Variants in ASB15 observed in about 807,000 individuals in gnomAD.
ASB15 encodes ankyrin repeat and SOCS box protein 15.
A neutral mutation model predicts 58.0 loss-of-function variants in ASB15; 54 were observed. The observed-to-expected ratio is 0.93, with a 90% CI of 0.75 to 1.17. ASB15 has a LOEUF of 1.17. ASB15 is among the 50% of genes most tolerant of loss of function. The probability of loss-of-function intolerance (pLI) is 0.00; values close to 1 mark genes in which losing one functional copy is unlikely to be tolerated. For synonymous variants in ASB15, 249 were observed against 262.4 expected (o/e 0.95, Z 0.50); for missense variants, 680 against 707.4 (o/e 0.96, Z 0.44).
intron 11 of ASB15, among the ~76,000 whole-genome samples, chr7:123,630,421 T>C (rs1034573305): frequency 1.3e-5 from 2 of 152,230 alleles, no homozygotes; most frequent in African/African-American, 4.8e-5. Flanking sequence ...AAGCTCCATG[T>C]GGGTAGAGAT....
rs1168579175 is a variant in ASB15, at chr7:123,637,891, A to AAAAAAAAAAAAAAAAAAAC, written c.*919_*920insAAAAAAAAACAAAAAAAAA. 6.7e-6 allele frequency: 1 copy of AAAAAAAAAAAAAAAAAAAC among 149,324 alleles called. No homozygotes were observed. Among genetic ancestry groups the AAAAAAAAAAAAAAAAAAAC allele is most frequent in the African/African-American group, 2.5e-5 (1 of 40,758 alleles). 9.2% of individuals were successfully genotyped at this position (149,324 alleles called of 1,614,324 possible). ...CCCCAGATGAACTAAAAAAAAAAAA[A>AAAAAAAAAAAAAAAAAAAC]AAAAAAAAACCTCTTTCCCGAGCTC... On this transcript the variant is annotated 3_prime_UTR_variant, in exon 12 of 12. Transcript: ENST00000451215.
chr7:123,630,605 ACAGGC>A (rs1802069098), intron 11 of ASB15, among the ~76,000 whole-genome samples: 1 of 152,192 alleles, frequency 6.6e-6, no homozygotes. Flanking sequence ...GTATTTGTAG[ACAGGC>A]CATTTTGTCT....
intron 7 of ASB15, among the ~76,000 whole-genome samples, chr7:123,622,353 TTA>T (rs1236101162): frequency 1.3e-5 from 2 of 152,094 alleles, no homozygotes; most frequent in Non-Finnish European, 1.5e-5. Context: ...ACTTAATCAT[TTA>T]TGTTACACCA....
intron 11 of ASB15, among the ~76,000 whole-genome samples, chr7:123,634,522 G>C (rs1037192873): frequency 6.6e-6 from 1 of 152,026 alleles, no homozygotes; most frequent in Non-Finnish European, 1.5e-5. Flanking sequence ...ACGTGTGCAT[G>C]TATCTTTACA....
chr7:123,576,159 C>T (rs1437120442), intron 1 of ASB15, among the ~76,000 whole-genome samples: 1 of 149,582 alleles, frequency 6.7e-6, no homozygotes, highest in Non-Finnish European at 1.5e-5. Flanking sequence ...TTATTTTCAT[C>T]TTCTATATTT....
At chr7:123,587,330 T>G (rs189032210) in intron 1 of ASB15, among the ~76,000 whole-genome samples, 1 of 151,718 alleles carries the variant, frequency 6.6e-6, no homozygotes, top group Non-Finnish European at 1.5e-5. Context: ...TTTATTAAAA[T>G]TTATTTTTCT....
At chr7:123,598,128 G>C (rs1283434936), upstream of ASB15, among the ~76,000 whole-genome samples, 1 of 152,072 alleles carries the variant, frequency 6.6e-6, no homozygotes, top group African/African-American at 2.4e-5. Context: ...ATGTGTGTCT[G>C]TATATATAGA....
Position 123,624,230 on chromosome 7 carries a change from CCAA to C in ASB15, c.452-332_452-330del, listed in dbSNP as rs986889470. 9.2e-5 allele frequency among the ~76,000 whole-genome samples: 14 copies of C among 152,094 alleles called. 1 individual carries two copies. The highest frequency in any genetic ancestry group is 7.7e-4 in the East Asian group (4 of 5,166). On this transcript the variant is annotated intron_variant, in intron 7 of 11. Coordinates refer to ENST00000451215, the MANE Select transcript of ASB15 (RefSeq NM_001290258.2). ...ACATACATTATTTAATTTGTACAAC[CCAA>C]CAACAAGTGTTATTTCCATTTTGTT...
At chr7:123,614,239 G>GAAA (rs553174740) in intron 3 of ASB15, 370 of 301,942 alleles carry the variant, frequency 1.2e-3, no homozygotes, top group Non-Finnish European at 1.7e-3. Flanking sequence ...AGTCATTACT[G>GAAA]AAAAAAAAAA....
chr7:123,602,056 C>T (rs1276151744), intron 1 of ASB15, 142 bp downstream of exon 1: 22 of 152,148 alleles, frequency 1.4e-4, no homozygotes, highest in Admixed American at 1.4e-3. Flanking sequence ...TACGGGCTTA[C>T]CTGTTTAGAG....
chr7:123,604,752 G>A (rs1800057496), intron 2 of ASB15, among the ~76,000 whole-genome samples: 1 of 152,082 alleles, frequency 6.6e-6, no homozygotes, highest in Non-Finnish European at 1.5e-5. Flanking sequence ...GGTGATTCTA[G>A]GGAAAAGGAG....
chr7:123,598,158 G>A (rs1042775916), upstream of ASB15, among the ~76,000 whole-genome samples: 1 of 151,882 alleles, frequency 6.6e-6, no homozygotes, highest in East Asian at 1.9e-4. Flanking sequence ...CAAATGCAAT[G>A]GTTTCCCTCA....
intron 1 of ASB15, among the ~76,000 whole-genome samples, chr7:123,572,131 CTTTTTTTTTT>C (rs61198371): frequency 0.013 from 610 of 48,058 alleles, 8 homozygotes; most frequent in African/African-American, 0.051. Flanking sequence ...TGTAGAATTT[CTTTTTTTTTT>C]TTTTTTTTTT....
intron 1 of ASB15, among the ~76,000 whole-genome samples, chr7:123,584,433 C>G (rs1424987246): frequency 6.6e-6 from 1 of 151,788 alleles, no homozygotes. Flanking sequence ...CCAGGTGATT[C>G]CAATGCAAGT....
In ASB15 at chr7:123,626,543, T is replaced by C. The variant is rs989585651; in HGVS notation, c.698-567T>C. ...AATTAAAAAGTCTAATGAGCCTTTT[T>C]CAGAAGAATTTGCCTGTCATGAAAA... On this transcript the variant is annotated intron_variant, in intron 8 of 11. Coordinates refer to ENST00000451215, the MANE Select transcript of ASB15 (RefSeq NM_001290258.2). 5.3e-5 allele frequency among the ~76,000 whole-genome samples: 8 copies of C among 152,196 alleles called. No individual in the cohort carries two copies. The East Asian group carries it at 9.6e-4, about 18-fold the overall frequency.
chr7:123,591,852 T>C (rs1311861853), intron 1 of ASB15, among the ~76,000 whole-genome samples: 1 of 152,212 alleles, frequency 6.6e-6, no homozygotes, highest in African/African-American at 2.4e-5. Context: ...TTCTGTTGAT[T>C]GAAATAGTTT....
At chr7:123,581,623 A>C (rs1481193915) in intron 1 of ASB15, among the ~76,000 whole-genome samples, 2 of 151,916 alleles carry the variant, frequency 1.3e-5, no homozygotes, top group East Asian at 1.9e-4. Context: ...TCAAATTGTG[A>C]GGAGAATTTG....
intron 1 of ASB15, among the ~76,000 whole-genome samples, chr7:123,588,313 G>A (rs1017038087): frequency 1.3e-5 from 2 of 151,440 alleles, no homozygotes. Flanking sequence ...GTTTATTAGT[G>A]CTTAATTGTT....
intron 1 of ASB15, among the ~76,000 whole-genome samples, chr7:123,594,283 A>G (rs888231398): frequency 7.9e-5 from 12 of 152,058 alleles, no homozygotes; most frequent in African/African-American, 2.7e-4. Flanking sequence ...ACTTCTGTCA[A>G]CTCGTCAAAC....
Sources: allele counts gnomAD v4.1 joint callset (sites outside exome capture counted in the v4.1 genomes callset), GRCh38; gene constraint gnomAD v4.1.1; transcripts MANE v1.5; gene names NCBI Gene and HGNC (gene_info 2026-07-23, HGNC 2026-07-21).